The following ABRAXAS1 variants were observed in gnomAD, a reference collection of about 807,000 sequenced individuals.
ABRAXAS1 encodes the protein abraxas 1, BRCA1 A complex subunit, also known as BRCA1-A complex subunit Abraxas 1.
A neutral mutation model predicts 38.4 loss-of-function variants in ABRAXAS1; 26 were observed. The ratio of observed to expected loss-of-function variants is 0.68; its 90% CI spans 0.50 to 0.94. ABRAXAS1 has a LOEUF of 0.94. Among genes scored for constraint, ABRAXAS1 ranks in the 40% least tolerant of loss-of-function variants. The pLI, the probability that ABRAXAS1 is intolerant of heterozygous loss-of-function variation, is 0.00. For synonymous variants in ABRAXAS1, 144 were observed against 165.5 expected (o/e 0.87, Z 1.00); for missense variants, 438 against 481.9 (o/e 0.91, Z 0.85).
chr4:83,481,535 A>C (rs1389622657), intron 2 of ABRAXAS1, among the ~76,000 whole-genome samples: 1 of 152,176 alleles, frequency 6.6e-6, no homozygotes, highest in Non-Finnish European at 1.5e-5. Flanking sequence ...ACTTTTCTGC[A>C]GCATTTAACA....
chr4:83,482,083 C>A, intron 2 of ABRAXAS1, 71 bp downstream of exon 2: 2 of 962,704 alleles, frequency 2.1e-6, no homozygotes, highest in Non-Finnish European at 1.6e-6. Context: ...TTTACGCTGA[C>A]CCCTTTCAGC....
At chr4:83,484,762 A>G (rs1723120801) in intron 1 of ABRAXAS1, 1 of 414,848 alleles carries the variant, frequency 2.4e-6, no homozygotes. Context: ...CGGAAAAGGG[A>G]AATAACGGAG....
intron 7 of ABRAXAS1, among the ~76,000 whole-genome samples, chr4:83,464,824 C>G (rs1722286816): frequency 6.6e-6 from 1 of 152,188 alleles, no homozygotes; most frequent in African/African-American, 2.4e-5. Flanking sequence ...ACAAAAAGGT[C>G]TGGAAGGATA....
intron 7 of ABRAXAS1, among the ~76,000 whole-genome samples, chr4:83,465,214 T>C (rs1405475883): frequency 1.4e-5 from 2 of 146,428 alleles, no homozygotes; most frequent in East Asian, 4.2e-4. Context: ...GAGAATCTCT[T>C]GAACCAGGGA....
chr4:83,477,669 G>A (rs983412070), intron 2 of ABRAXAS1: 6 of 557,768 alleles, frequency 1.1e-5, no homozygotes, highest in South Asian at 8.9e-5. Context: ...CAAGGCCAAA[G>A]CATTGATGTC....
At chr4:83,469,353 TC>T (rs1722498849) in intron 5 of ABRAXAS1, 1 of 532,138 alleles carries the variant, frequency 1.9e-6, no homozygotes, top group East Asian at 3.2e-5. Context: ...TCACTCAGTC[TC>T]CCAGGCTGCA....
At chr4:83,475,745 G>A (rs1465416928) in intron 3 of ABRAXAS1, among the ~76,000 whole-genome samples, 10 of 151,128 alleles carry the variant, frequency 6.6e-5, no homozygotes, top group Non-Finnish European at 1.5e-4. Context: ...ATGATTACAT[G>A]TGTTTGCTTT....
chr4:83,460,673 G>T lies in ABRAXAS1; in HGVS notation c.*1796C>A, dbSNP rs1722059261. On this transcript the variant is annotated 3_prime_UTR_variant, in exon 9 of 9. Transcript: ENST00000321945. ...AATCCCAGCACTTTGGGAGGCTGAG[G>T]TGGGCAGATCACCTGAGGCCAGGAG... The T allele has an allele frequency of 3.3e-6, 1 of 305,194 alleles. No individual in the cohort carries two copies. Among genetic ancestry groups the T allele is most frequent in the Non-Finnish European group, 6.2e-6 (1 of 161,170 alleles). 18.9% of individuals were successfully genotyped at this position (305,194 alleles called of 1,614,324 possible).
Position 83,472,219 on chromosome 4 carries a change from T to C in ABRAXAS1, c.282+3A>G. The C allele has an allele frequency of 1.3e-6, 2 of 1,495,908 alleles. No individual in the cohort carries two copies. The highest frequency in any genetic ancestry group is 1.8e-6 in the Non-Finnish European group (2 of 1,114,396). 92.7% of individuals were successfully genotyped at this position (1,495,908 alleles called of 1,614,324 possible). On this transcript the variant is annotated splice_donor_region_variant and intron_variant, in intron 4 of 8. Coordinates refer to ENST00000321945, the MANE Select transcript of ABRAXAS1 (RefSeq NM_139076.3). ...AAAAAAGGGAAGATAAATTAGAGAA[T>C]ACCTTTTTGACATTTGATAATATTT...
chr4:83,465,583 A>T (rs1722325878), intron 7 of ABRAXAS1, among the ~76,000 whole-genome samples: 1 of 152,036 alleles, frequency 6.6e-6, no homozygotes, highest in Admixed American at 6.6e-5. Flanking sequence ...AGCGCAGGGG[A>T]TGGAGACCAG....
intron 1 of ABRAXAS1, among the ~76,000 whole-genome samples, chr4:83,484,461 G>A (rs938790474): frequency 5.9e-5 from 9 of 152,228 alleles, no homozygotes; most frequent in Non-Finnish European, 1.3e-4. Flanking sequence ...AAAGATATCT[G>A]ATATACCAGA....
intron 2 of ABRAXAS1, chr4:83,477,742 A>C: frequency 1.5e-6 from 1 of 656,232 alleles, no homozygotes; most frequent in East Asian, 3.6e-5. Context: ...ATAAAGCGGA[A>C]GGTGTATTGG....
intron 2 of ABRAXAS1, among the ~76,000 whole-genome samples, chr4:83,480,992 C>T (rs994437974): frequency 3.3e-5 from 5 of 151,918 alleles, no homozygotes; most frequent in South Asian, 4.2e-4. Flanking sequence ...GTTAGCCGGG[C>T]GTGGCAGCAC....
chr4:83,464,166 G>A lies in ABRAXAS1; in HGVS notation c.682-558C>T, dbSNP rs144010046. On this transcript the variant is annotated intron_variant, in intron 7 of 8. Transcript: ENST00000321945. ...TGCACCACTGCACTCCAGCCTGGGC[G>A]ACAGAGTGAGACCCTGTCTCAAACA... is the stretch of plus-strand genomic sequence containing the variant. Among the ~76,000 whole-genome samples the A allele has an allele frequency of 4.9e-3, 746 of 152,242 alleles. 10 individuals carry two copies. The highest frequency in any genetic ancestry group is 7.9e-3 in the Non-Finnish European group (538 of 68,032).
intron 5 of ABRAXAS1, chr4:83,469,912 A>T (rs1279762180): frequency 4.6e-6 from 1 of 219,308 alleles, no homozygotes; most frequent in East Asian, 1.0e-4. Flanking sequence ...TCTAAATTAT[A>T]CCCTTTATCA....
Position 83,485,095 on chromosome 4 carries a change from C to T in ABRAXAS1, c.-23G>A, listed in dbSNP as rs988164144. 3.4e-5 allele frequency: 53 copies of T among 1,558,046 alleles called. No individual in the cohort carries two copies. The highest frequency in any genetic ancestry group is 4.4e-5 in the Non-Finnish European group (50 of 1,149,004). On this transcript the variant is annotated 5_prime_UTR_variant, in exon 1 of 9. In the 5' UTR this introduces an upstream ATG that the reference lacks. Coordinates refer to ENST00000321945, the MANE Select transcript of ABRAXAS1 (RefSeq NM_139076.3). ...CATGCTACCGCCGCCTCAGGCTACACAAGAGGACGAGGGCGGGGCGCGCGG... is the reference window on the plus strand; with the variant it reads ...CATGCTACCGCCGCCTCAGGCTACATAAGAGGACGAGGGCGGGGCGCGCGG...
At chr4:83,478,314 A>T in intron 2 of ABRAXAS1, 2 of 629,390 alleles carry the variant, frequency 3.2e-6, no homozygotes, top group South Asian at 2.7e-5. Flanking sequence ...ATGTGGAAAC[A>T]TGAGGGCTTT....
At chr4:83,468,929 G>A (rs1396290473) in intron 6 of ABRAXAS1, 103 bp downstream of exon 6, 6 of 1,335,982 alleles carry the variant, frequency 4.5e-6, no homozygotes, top group Non-Finnish European at 6.3e-6. Flanking sequence ...CTTGAGTAAT[G>A]GATTAATTTT....
chr4:83,464,967 T>C (rs1722292202), intron 7 of ABRAXAS1, among the ~76,000 whole-genome samples: 1 of 152,160 alleles, frequency 6.6e-6, no homozygotes. Flanking sequence ...AAGTTGGTAT[T>C]TTTCCATAAC....
Sources: allele counts gnomAD v4.1 joint callset (sites outside exome capture counted in the v4.1 genomes callset), GRCh38; gene constraint gnomAD v4.1.1; transcripts MANE v1.5; gene names NCBI Gene and HGNC (gene_info 2026-07-23, HGNC 2026-07-21).